Variants in TFDP1 observed in about 807,000 individuals in gnomAD.
The protein encoded by TFDP1 is transcription factor Dp-1.
Under a neutral mutation model 48.0 loss-of-function variants are expected in TFDP1, and 6 were observed. The observed-to-expected ratio is 0.13, with a 90% confidence interval of 0.07 to 0.25. TFDP1 has a LOEUF of 0.25. Ranked by LOEUF, TFDP1 falls within the 10% of genes least tolerant of loss-of-function variation. The pLI is 1.00. For synonymous variants in TFDP1, 201 were observed against 211.6 expected, an observed-to-expected ratio of 0.95 and a Z score of 0.44; for missense variants, 335 against 543.0, an observed-to-expected ratio of 0.62 and a Z score of 3.81.
At chr13:113,626,893 C>T (rs1424117379) in intron 4 of TFDP1, among the ~76,000 whole-genome samples, 1 of 152,154 alleles carries the variant, frequency 6.6e-6, no homozygotes, top group East Asian at 1.9e-4. Flanking sequence ...AATTGTAGCA[C>T]CACTTTCGTC....
At position 113,633,431 on chromosome 13, in the gene TFDP1, G is replaced by A; in HGVS notation, c.474+146G>A. 2 of 1,010,010 alleles carry A rather than the reference G, an allele frequency of 2.0e-6. No individual in the cohort carries two copies. Among genetic ancestry groups the A allele is most frequent in the Non-Finnish European group, 2.9e-6 (2 of 685,976 alleles). The allele number at this position is 1,010,010 out of a possible 1,614,324, so 62.6% of individuals were successfully genotyped here. Reference sequence around the variant, plus strand: ...GAATTTTTACCAAACGAGTCAGTAAGTGTGTGCCGGGGCCGAGAGGCTGGG... The same window carrying A: ...GAATTTTTACCAAACGAGTCAGTAAATGTGTGCCGGGGCCGAGAGGCTGGG... On this transcript the variant is annotated intron_variant, in intron 6 of 11. Transcript: ENST00000375370. The surrounding 1 kb of genome is among the most constrained non-coding windows in gnomAD (Gnocchi z 4.5).
At chr13:113,601,651 G>A (rs2048430020) in intron 2 of TFDP1, among the ~76,000 whole-genome samples, 1 of 152,240 alleles carries the variant, frequency 6.6e-6, no homozygotes, top group African/African-American at 2.4e-5. Context: ...GGTCCAGGAG[G>A]ACTCGTGGGA....
intron 2 of TFDP1, among the ~76,000 whole-genome samples, chr13:113,602,089 T>C (rs1371057369): frequency 6.9e-5 from 9 of 130,742 alleles, no homozygotes; most frequent in African/African-American, 1.8e-4. Context: ...GAGAAGCGGA[T>C]GGAGTTACCC....
At position 113,585,613 on chromosome 13, in the gene TFDP1, C is replaced by T. The variant is rs1380726975; in HGVS notation, c.-64-161C>T. 32 of 451,678 alleles carry T rather than the reference C, an allele frequency of 7.1e-5. No homozygotes were observed. The Admixed American group carries it at 1.1e-3, about 15-fold the overall frequency. The allele number at this position is 451,678 out of a possible 1,614,324, so 28.0% of individuals were successfully genotyped here. On this transcript the variant is annotated intron_variant, in intron 1 of 11. Coordinates refer to ENST00000375370, the MANE Select transcript of TFDP1 (RefSeq NM_007111.5). ...TCCGTCTGGCGAGGCGACTGAAAAT[C>T]CTGAGTGTGGGAGTCGGTTTGGCCA...
At chr13:113,624,591 C>T (rs1216358423) in intron 4 of TFDP1, among the ~76,000 whole-genome samples, 71 of 143,572 alleles carry the variant, frequency 4.9e-4, no homozygotes, top group African/African-American at 1.8e-3. Context: ...CTCACATGTC[C>T]TCAGGTGTGT....
intron 4 of TFDP1, among the ~76,000 whole-genome samples, chr13:113,626,132 CGTGTCCTCAGGTGTCTCTCAG>C (rs1274807344): frequency 1.3e-5 from 2 of 149,320 alleles, no homozygotes; most frequent in Admixed American, 6.6e-5. Context: ...GTGTCTCTCA[CGTGTCCTCAGGTGTCTCTCAG>C]GTGTCCCCAG....
rs186370193 is a variant in TFDP1 at position 113,594,915 on chromosome 13, T to C, written c.12+9066T>C. Among the ~76,000 whole-genome samples the C allele has an allele frequency of 1.0e-3, 153 of 152,370 alleles. 4 individuals carry two copies. In the South Asian group the frequency reaches 0.021, roughly 21 times the overall value. On this transcript the variant is annotated intron_variant, in intron 2 of 11. Transcript: ENST00000375370. Reference sequence around the variant, plus strand: ...AGAAGAAAATGAAGTCACGTTCATATGTGAGCTGAATTGTTAGGGTTTCAT... The same window carrying C: ...AGAAGAAAATGAAGTCACGTTCATACGTGAGCTGAATTGTTAGGGTTTCAT...
At position 113,609,957 on chromosome 13, in the gene TFDP1, C is replaced by T. The variant is rs77812347; in HGVS notation, c.13-1039C>T. 3.2e-3 allele frequency among the ~76,000 whole-genome samples: 481 copies of T among 152,334 alleles called. 1 individual carries two copies. The highest frequency in any genetic ancestry group is 0.011 in the African/African-American group (466 of 41,562). ...AAGGCCTCCTCTTGGGATGGCTTTT[C>T]CTTCGCAGAGCCCGGCCTCTGGGGA... On this transcript the variant is annotated intron_variant, in intron 2 of 11. Coordinates refer to ENST00000375370, the MANE Select transcript of TFDP1 (RefSeq NM_007111.5).
chr13:113,597,560 G>A (rs1263344484), intron 2 of TFDP1, among the ~76,000 whole-genome samples: 1 of 152,238 alleles, frequency 6.6e-6, no homozygotes, highest in East Asian at 1.9e-4. Context: ...CTGTGTGCTC[G>A]CCTGTCCCAC....
Position 113,637,811 on chromosome 13 carries a change from T to G in TFDP1, c.1007-7T>G. On this transcript the variant is annotated splice_region_variant and splice_polypyrimidine_tract_variant and intron_variant, in intron 10 of 11. Coordinates refer to ENST00000375370, the MANE Select transcript of TFDP1 (RefSeq NM_007111.5). ...TGACCATTCGCTTATTTTCTTTCCCTTTTCAGAAATGGCTCAGGGAACTGT... is the reference window on the plus strand; with the variant it reads ...TGACCATTCGCTTATTTTCTTTCCCGTTTCAGAAATGGCTCAGGGAACTGT... 1.2e-6 allele frequency: 2 copies of G among 1,614,250 alleles called. No homozygotes were observed. Among genetic ancestry groups the G allele is most frequent in the East Asian group, 2.2e-5 (1 of 44,888 alleles).
Position 113,631,608 on chromosome 13 carries a change from C to G in TFDP1, c.187-15C>G. The G allele has an allele frequency of 6.2e-7, 1 of 1,611,368 alleles. No homozygotes were observed. The highest frequency in any genetic ancestry group is 8.5e-7 in the Non-Finnish European group (1 of 1,178,960). On this transcript the variant is annotated splice_polypyrimidine_tract_variant and intron_variant, in intron 4 of 11. Transcript: ENST00000375370. The stretch of plus-strand genomic sequence containing the variant: ...GGAGGGGACTGACTGTCTGAATTGT[C>G]TTTTTCGACTGTAGGTAATTGGTAC...
In TFDP1 at chr13:113,610,992, G is replaced by A. The variant is rs139701699; in HGVS notation, c.13-4G>A. ...ATTTATTATTGTTTTGTTGCTTTCC[G>A]CAGGCCGGTCTAATTGAAGCCAACG... is the stretch of plus-strand genomic sequence containing the variant. On this transcript the variant is annotated splice_polypyrimidine_tract_variant and splice_region_variant and intron_variant, in intron 2 of 11. Transcript: ENST00000375370. 2,454 of 1,613,386 alleles carry A rather than the reference G, an allele frequency of 1.5e-3. 3 individuals carry two copies. Among genetic ancestry groups the A allele is most frequent in the Non-Finnish European group, 1.9e-3 (2,300 of 1,179,728 alleles).
intron 2 of TFDP1, among the ~76,000 whole-genome samples, chr13:113,603,294 G>A (rs1180978035): frequency 6.6e-6 from 1 of 152,208 alleles, no homozygotes; most frequent in Non-Finnish European, 1.5e-5. Flanking sequence ...TCTAGGGCTT[G>A]TGTGTCCCCA....
At position 113,636,063 on chromosome 13, in the gene TFDP1, C is replaced by G; in HGVS notation, c.774C>G (p.His258Gln). 6.2e-7 allele frequency: 1 copy of G among 1,614,246 alleles called. No homozygotes were observed. The highest frequency in any genetic ancestry group is 8.5e-7 in the Non-Finnish European group (1 of 1,180,046). The change falls in exon 9 of 12, where the codon CAC becomes CAG. Residue 258 changes from histidine to glutamine, a missense_variant. Around this residue, in one of 3 missense-constraint regions of TFDP1, gnomAD observed 204 missense variants for 287.1 expected, o/e 0.71. Transcript: ENST00000375370. The stretch of plus-strand genomic sequence containing the variant: ...CACCGCCACCCAACTCAGTCATCCA[C>G]CTGCCCTTCATCATCGTCAACACCA... Reference protein sequence around the residue: ...SRPPPPNSVIHLPFIIVNTSK... With the variant: ...SRPPPPNSVIQLPFIIVNTSK...
Position 113,586,430 on chromosome 13 carries a change from A to AATT in TFDP1, c.12+581_12+582insATT, listed in dbSNP as rs1555349303. On this transcript the variant is annotated intron_variant, in intron 2 of 11. Transcript: ENST00000375370. ...CCTGCTTTGCAGTTGTCATGAAACT[A>AATT]TAGAATATTTTGAAAATTTTTTAAA... is the stretch of plus-strand genomic sequence containing the variant. 6.0e-4 allele frequency among the ~76,000 whole-genome samples: 92 copies of AATT among 152,330 alleles called. 1 individual carries two copies. Among genetic ancestry groups the AATT allele is most frequent in the Middle Eastern group, 6.8e-3 (2 of 294 alleles).
At chr13:113,614,009 TTG>T (rs201648952) in intron 3 of TFDP1, among the ~76,000 whole-genome samples, 6,295 of 148,720 alleles carry the variant, frequency 0.042, 186 homozygotes, top group Middle Eastern at 0.068. Flanking sequence ...TTCACGTGAG[TTG>T]TGTCAGTTGT....
rs531110545 is a variant in TFDP1 at position 113,632,310 on chromosome 13, T to C, written c.308+566T>C. On this transcript the variant is annotated intron_variant, in intron 5 of 11. Transcript: ENST00000375370. ...GAACCTCAGGTGGCCTTTCCCGCCA[T>C]GTGGGGACTGACCAGAGTGTACAGA... Among the ~76,000 whole-genome samples, 81 of 152,344 alleles carry C rather than the reference T, an allele frequency of 5.3e-4. 2 individuals carry two copies. The South Asian group carries it at 0.017, about 32-fold the overall frequency.
At chr13:113,586,051 C>T in intron 2 of TFDP1, 1 of 509,728 alleles carries the variant, frequency 2.0e-6, no homozygotes, top group Non-Finnish European at 3.5e-6. Flanking sequence ...CAAGTTGTGG[C>T]CTTGGATACC....
intron 3 of TFDP1, among the ~76,000 whole-genome samples, chr13:113,622,413 C>T (rs766005985): frequency 4.1e-4 from 63 of 152,354 alleles, no homozygotes; most frequent in Admixed American, 7.2e-4. Context: ...GTTGCCCTGA[C>T]GCCCCTCCCG....
Sources: allele counts gnomAD v4.1 joint callset (sites outside exome capture counted in the v4.1 genomes callset), GRCh38; gene constraint gnomAD v4.1.1; regional missense constraint gnomAD v4.1.1; non-coding constraint Gnocchi (gnomAD v3.1); transcripts MANE v1.5; gene names NCBI Gene and HGNC (gene_info 2026-07-23, HGNC 2026-07-21).